SGCZ: variants seen among roughly 807,000 people sequenced by gnomAD.
The protein encoded by SGCZ is zeta-sarcoglycan.
A neutral mutation model predicts 41.3 loss-of-function variants in SGCZ; 40 were observed. The observed-to-expected ratio is 0.97, with a 90% CI of 0.75 to 1.26. The LOEUF (loss-of-function observed/expected upper bound fraction) is 1.26. Ranked by LOEUF, SGCZ falls within the 50% of genes most tolerant of loss-of-function variation. The probability of loss-of-function intolerance (pLI) is 0.00; values close to 1 mark genes in which losing one functional copy is unlikely to be tolerated. For synonymous variants in SGCZ, 206 were observed against 137.5 expected, an observed-to-expected ratio of 1.50 and a Z score of -3.49; for missense variants, 552 against 369.8, an observed-to-expected ratio of 1.49 and a Z score of -4.04.
chr8:14,106,426 T>C (rs1230098174), intron 6 of SGCZ, among the ~76,000 whole-genome samples: 1 of 152,046 alleles, frequency 6.6e-6, no homozygotes, highest in Non-Finnish European at 1.5e-5. Flanking sequence ...GTTGCTCTTC[T>C]AAAATAAGTC....
At chr8:14,110,434 G>T (rs1285978671) in intron 5 of SGCZ, among the ~76,000 whole-genome samples, 1 of 152,186 alleles carries the variant, frequency 6.6e-6, no homozygotes, top group Admixed American at 6.6e-5. Flanking sequence ...ATAACAGAAT[G>T]TCATCAAAGT....
intron 2 of SGCZ, among the ~76,000 whole-genome samples, chr8:14,549,639 C>A (rs147191765): frequency 6.6e-6 from 1 of 151,890 alleles, no homozygotes; most frequent in South Asian, 2.1e-4. Context: ...CAAGGAAATG[C>A]GGGGACGTTG....
chr8:14,787,790 G>C (rs1319276445), intron 1 of SGCZ, among the ~76,000 whole-genome samples: 1 of 151,876 alleles, frequency 6.6e-6, no homozygotes, highest in East Asian at 1.9e-4. Context: ...AGATTGCGGT[G>C]ACCTAAGATC....
chr8:14,145,627 C>T (rs760079375), intron 5 of SGCZ, among the ~76,000 whole-genome samples: 8 of 152,074 alleles, frequency 5.3e-5, no homozygotes, highest in African/African-American at 1.2e-4. Flanking sequence ...AACGGTCACA[C>T]GTAACAGAGA....
chr8:14,688,525 G>A (rs1037946329), intron 1 of SGCZ, among the ~76,000 whole-genome samples: 6 of 152,064 alleles, frequency 3.9e-5, no homozygotes, highest in Non-Finnish European at 7.4e-5. Context: ...CATTATTTCT[G>A]AGGGCTCTGT....
chr8:15,193,245 A>G (rs996385663), intron 1 of SGCZ, among the ~76,000 whole-genome samples: 9 of 152,132 alleles, frequency 5.9e-5, no homozygotes, highest in Non-Finnish European at 1.3e-4. Context: ...GTAGAAGACT[A>G]TAATTATCAA....
chr8:14,787,156 C>A (rs1585259877), intron 1 of SGCZ, among the ~76,000 whole-genome samples: 2 of 152,126 alleles, frequency 1.3e-5, no homozygotes, highest in African/African-American at 2.4e-5. Flanking sequence ...ATGTGCAGAA[C>A]TGAGAGAAAT....
At chr8:15,118,683 C>G (rs910685368) in intron 1 of SGCZ, among the ~76,000 whole-genome samples, 6 of 152,010 alleles carry the variant, frequency 3.9e-5, no homozygotes, top group African/African-American at 1.4e-4. Context: ...GTAGCTTAGA[C>G]TATAATGAGA....
intron 4 of SGCZ, among the ~76,000 whole-genome samples, chr8:14,199,366 G>A (rs1023485301): frequency 1.6e-4 from 25 of 152,072 alleles, no homozygotes; most frequent in African/African-American, 5.8e-4. Flanking sequence ...CTCAAATTCT[G>A]TCTCCTGATA....
intron 1 of SGCZ, among the ~76,000 whole-genome samples, chr8:14,637,097 T>A (rs1244057864): frequency 6.6e-6 from 1 of 151,612 alleles, no homozygotes; most frequent in Non-Finnish European, 1.5e-5. Context: ...CCACCTATCA[T>A]TTTTTGCTCC....
intron 4 of SGCZ, among the ~76,000 whole-genome samples, chr8:14,174,601 C>T (rs1804486961): frequency 6.6e-6 from 1 of 152,004 alleles, no homozygotes. Context: ...ATATGCAGAA[C>T]ACCAAAATAA....
intron 5 of SGCZ, among the ~76,000 whole-genome samples, chr8:14,150,232 A>C (rs1425313573): frequency 6.6e-6 from 1 of 152,142 alleles, no homozygotes; most frequent in Non-Finnish European, 1.5e-5. Flanking sequence ...GAGTCACCAA[A>C]GTGAAGAGAA....
intron 1 of SGCZ, among the ~76,000 whole-genome samples, chr8:14,945,136 A>G (rs1800398428): frequency 1.1e-5 from 1 of 92,852 alleles, no homozygotes; most frequent in Non-Finnish European, 2.0e-5. Context: ...AGGAGCTGAC[A>G]TGGTTAGGCA....
intron 1 of SGCZ, among the ~76,000 whole-genome samples, chr8:15,215,936 A>T (rs967604032): frequency 2.0e-5 from 3 of 152,192 alleles, no homozygotes; most frequent in African/African-American, 7.2e-5. Context: ...TTTTTCCTGC[A>T]TTCTGTTTGA....
intron 3 of SGCZ, among the ~76,000 whole-genome samples, chr8:14,307,293 T>G (rs1801380850): frequency 6.6e-6 from 1 of 152,176 alleles, no homozygotes; most frequent in African/African-American, 2.4e-5. Context: ...GTAATTCAGT[T>G]TCAGAGTGGT....
chr8:14,354,678 C>A (rs1418735854), intron 2 of SGCZ, among the ~76,000 whole-genome samples: 1 of 151,682 alleles, frequency 6.6e-6, no homozygotes, highest in Admixed American at 6.6e-5. Flanking sequence ...AATACACACA[C>A]ACACTCAGAG....
chr8:14,503,265 G>C (rs2117056421), intron 2 of SGCZ, among the ~76,000 whole-genome samples: 1 of 152,140 alleles, frequency 6.6e-6, no homozygotes, highest in Admixed American at 6.5e-5. Flanking sequence ...ATGGGGACAG[G>C]GAGGGGAACA....
chr8:15,046,756 T>C (rs902607410), intron 1 of SGCZ, among the ~76,000 whole-genome samples: 7 of 152,038 alleles, frequency 4.6e-5, no homozygotes, highest in African/African-American at 1.4e-4. Flanking sequence ...GATGTGGATA[T>C]AGTTACAGAT....
chr8:15,087,188 C>T lies in SGCZ; in HGVS notation c.39+150397G>A, dbSNP rs543732398. ...GAGATTAAAGGTACCCAACACATAACCAGTGCTACAAAATTGTCAACTCAT... is the reference window on the plus strand; with the variant it reads ...GAGATTAAAGGTACCCAACACATAATCAGTGCTACAAAATTGTCAACTCAT... On this transcript the variant is annotated intron_variant, in intron 1 of 7. Transcript: ENST00000382080. Among the ~76,000 whole-genome samples, 153 of 152,140 alleles carry T rather than the reference C, an allele frequency of 1.0e-3. 1 individual carries two copies. In the Middle Eastern group the frequency reaches 0.034, roughly 34 times the overall value.
Sources: allele counts gnomAD v4.1 joint callset (sites outside exome capture counted in the v4.1 genomes callset), GRCh38; gene constraint gnomAD v4.1.1; transcripts MANE v1.5; gene names NCBI Gene and HGNC (gene_info 2026-07-23, HGNC 2026-07-21).